Variants in INSIG2 observed in about 807,000 individuals in gnomAD.
INSIG2 encodes insulin induced gene 2.
In INSIG2, 10 loss-of-function variants were observed where a neutral mutation model predicts 27.2. The observed-to-expected ratio is 0.37, with a 90% confidence interval of 0.23 to 0.62. The LOEUF (loss-of-function observed/expected upper bound fraction) is 0.62, where lower values mean the gene tolerates loss of function less well. INSIG2 is among the 20% of genes least tolerant of loss of function. The pLI is 0.65. For missense variants in INSIG2, 178 were observed against 270.2 expected (o/e 0.66, Z 2.39); for synonymous variants, 97 against 95.8 (o/e 1.01, Z -0.07).
chr2:118,100,488 C>A (rs562934489), intron 2 of INSIG2, among the ~76,000 whole-genome samples: 232 of 146,312 alleles, frequency 1.6e-3, no homozygotes, highest in African/African-American at 5.5e-3. Context: ...AAGCGATTCT[C>A]CTGCCTCAGC....
Position 118,108,138 on chromosome 2 carries a change from A to G in INSIG2, c.637-143A>G, listed in dbSNP as rs1176947821. Reference sequence around the variant, plus strand: ...TCACATTTGTCATTTAATCATAGTAATTATGTAACTCTTGGATTATTTGAG... The same window carrying G: ...TCACATTTGTCATTTAATCATAGTAGTTATGTAACTCTTGGATTATTTGAG... On this transcript the variant is annotated intron_variant, in intron 5 of 5. Coordinates refer to ENST00000245787, the MANE Select transcript of INSIG2 (RefSeq NM_016133.4). 5 of 558,988 alleles carry G rather than the reference A, an allele frequency of 8.9e-6. No individual in the cohort carries two copies. The African/African-American group carries it at 1.0e-4, about 11-fold the overall frequency. 34.6% of individuals were successfully genotyped at this position (558,988 alleles called of 1,614,324 possible). A position where few individuals can be genotyped will look rare whatever the true frequency, so the allele number is the denominator to read the frequency against.
chr2:118,105,293 G>A lies in INSIG2; in HGVS notation c.370-1444G>A, dbSNP rs183868470. On this transcript the variant is annotated intron_variant, in intron 3 of 5. Transcript: ENST00000245787. ...CCTGACCTTGTGATTCGCCCACCTCGGTCTCTCAAAGTGCTGGGATTACAG... is the reference window on the plus strand; with the variant it reads ...CCTGACCTTGTGATTCGCCCACCTCAGTCTCTCAAAGTGCTGGGATTACAG... 2.7e-4 allele frequency among the ~76,000 whole-genome samples: 41 copies of A among 152,156 alleles called. 2 individuals are homozygous for A. Among genetic ancestry groups the A allele is most frequent in the African/African-American group, 7.7e-4 (32 of 41,510 alleles).
intron 2 of INSIG2, 59 bp downstream of exon 2, chr2:118,096,859 G>A (rs905036920): frequency 1.2e-5 from 18 of 1,540,056 alleles, no homozygotes; most frequent in East Asian, 4.5e-5. Flanking sequence ...GAGTATGGAC[G>A]TTGTCTGAGC....
In INSIG2 at chr2:118,103,200, T is replaced by C; in HGVS notation, c.248T>C (p.Val83Ala). Residue 83 changes from valine (V) to alanine (A), a missense_variant, in exon 3 of 6, where the codon GTG (valine) becomes GCG (alanine). Val to Ala is a moderately conservative substitution (Grantham distance 64, BLOSUM62 0). Transcript: ENST00000245787. ...TTTTTTTCTTTTTTCCCTACAGCTG[T>C]GATTGGGTTATTATACCCCTGCATT... ...VPPCCGTASAVIGLLYPCIDR... is the reference protein window; with the variant it reads ...VPPCCGTASAAIGLLYPCIDR... 6.2e-7 allele frequency: 1 copy of C among 1,613,362 alleles called. No homozygotes were observed.
chr2:118,101,576 G>C (rs1678545654), intron 2 of INSIG2, among the ~76,000 whole-genome samples: 1 of 150,750 alleles, frequency 6.6e-6, no homozygotes, highest in Non-Finnish European at 1.5e-5. Context: ...TATATATGGT[G>C]GGGGGATGGG....
In INSIG2 at chr2:118,103,049, C is replaced by T. The variant is rs571895173; in HGVS notation, c.245-148C>T. 33 of 660,456 alleles carry T rather than the reference C, an allele frequency of 5.0e-5. 1 individual carries two copies. Among genetic ancestry groups the T allele is most frequent in the Admixed American group, 7.8e-5 (3 of 38,260 alleles). 40.9% of individuals were successfully genotyped at this position (660,456 alleles called of 1,614,324 possible). A position where few individuals can be genotyped will look rare whatever the true frequency, so the allele number is the denominator to read the frequency against. On this transcript the variant is annotated intron_variant, in intron 2 of 5. Transcript: ENST00000245787. ...CTTTGGAAGGTAAGTTAAAAAATAT[C>T]GGTGATTGATGTGAAATAACTTTTT... is the stretch of plus-strand genomic sequence containing the variant.
At chr2:118,098,948 A>G (rs1678477295) in intron 2 of INSIG2, among the ~76,000 whole-genome samples, 1 of 152,202 alleles carries the variant, frequency 6.6e-6, no homozygotes, top group Admixed American at 6.5e-5. Flanking sequence ...ATTCCAGCCA[A>G]TTCTGCTACC....
At chr2:118,099,614 G>C (rs984802507) in intron 2 of INSIG2, among the ~76,000 whole-genome samples, 3 of 152,194 alleles carry the variant, frequency 2.0e-5, no homozygotes, top group Non-Finnish European at 2.9e-5. Flanking sequence ...CAACTCGTGT[G>C]GATAAAATAA....
At chr2:118,105,067 G>A (rs1558836976) in intron 3 of INSIG2, among the ~76,000 whole-genome samples, 1 of 152,060 alleles carries the variant, frequency 6.6e-6, no homozygotes, top group Non-Finnish European at 1.5e-5. Context: ...TTGAGACGGA[G>A]TCTTGCTCTG....
chr2:118,105,744 C>A, intron 3 of INSIG2, among the ~76,000 whole-genome samples: 1 of 152,040 alleles, frequency 6.6e-6, no homozygotes, highest in East Asian at 1.9e-4. Context: ...GAAATGGCTT[C>A]GTTGCAATTT....
intron 3 of INSIG2, among the ~76,000 whole-genome samples, chr2:118,105,133 C>T (rs1368997817): frequency 2.0e-5 from 3 of 152,144 alleles, no homozygotes; most frequent in Non-Finnish European, 2.9e-5. Flanking sequence ...CTTCGCCTCC[C>T]GGGTTCACGC....
At position 118,106,784 on chromosome 2, in the gene INSIG2, A is replaced by G. The variant is rs755166745; in HGVS notation, c.417A>G (p.Ala139=). Residue 139 remains alanine, a synonymous_variant, in exon 4 of 6, where the codon GCA becomes GCG. Transcript: ENST00000245787. ...NNIQLSLTLA[A]LSIGLWWTFD... ...TACAGTTGTCTCTCACACTGGCTGC[A>G]CTATCCATTGGACTGTGGTGGACTT... The G allele has an allele frequency of 1.2e-6, 2 of 1,614,116 alleles. No individual in the cohort carries two copies. Among genetic ancestry groups the G allele is most frequent in the Admixed American group, 3.3e-5 (2 of 60,032 alleles).
chr2:118,100,203 G>T (rs1308826877), intron 2 of INSIG2, among the ~76,000 whole-genome samples: 1 of 151,750 alleles, frequency 6.6e-6, no homozygotes, highest in Non-Finnish European at 1.5e-5. Flanking sequence ...CTGCCTCAAG[G>T]GTCACCTCTT....
rs187417429 is a variant in INSIG2, at chr2:118,094,721, A to G, written c.-138-1698A>G. On this transcript the variant is annotated intron_variant, in intron 1 of 5. Coordinates refer to ENST00000245787, the MANE Select transcript of INSIG2 (RefSeq NM_016133.4). ...AAAAAGGCCCGTTGTCTAAGTGTTT[A>G]TCACATGGAACTGACAGGTTGTGGA... Among the ~76,000 whole-genome samples the G allele has an allele frequency of 8.5e-5, 13 of 152,296 alleles. No homozygotes were observed. In the East Asian group the frequency reaches 2.5e-3, roughly 29 times the overall value.
Position 118,105,822 on chromosome 2 carries a change from C to T in INSIG2, c.370-915C>T, listed in dbSNP as rs539251587. On this transcript the variant is annotated intron_variant, in intron 3 of 5. Transcript: ENST00000245787. ...GATACGTGTTCTCCCAAACCTCCCCCGCCTTCCCCAGTAGCTGGTTATAGA... is the reference window on the plus strand; with the variant it reads ...GATACGTGTTCTCCCAAACCTCCCCTGCCTTCCCCAGTAGCTGGTTATAGA... Among the ~76,000 whole-genome samples, 12 of 152,262 alleles carry T rather than the reference C, an allele frequency of 7.9e-5. No homozygotes were observed. In the East Asian group the frequency reaches 1.2e-3, roughly 15 times the overall value.
intron 1 of INSIG2, among the ~76,000 whole-genome samples, chr2:118,095,487 A>C (rs1678385167): frequency 6.6e-6 from 1 of 152,150 alleles, no homozygotes; most frequent in South Asian, 2.1e-4. Context: ...CTTACCTCTG[A>C]AGGTTATTGT....
chr2:118,094,456 A>C (rs1678361453), intron 1 of INSIG2, among the ~76,000 whole-genome samples: 1 of 152,202 alleles, frequency 6.6e-6, no homozygotes, highest in East Asian at 1.9e-4. Context: ...ATATGCCTGG[A>C]TTCCACAGCA....
intron 2 of INSIG2, among the ~76,000 whole-genome samples, chr2:118,100,340 C>T (rs1163012527): frequency 1.4e-5 from 2 of 141,690 alleles, no homozygotes; most frequent in Non-Finnish European, 1.5e-5. Flanking sequence ...TCTGTGGTCA[C>T]TTTGCAATTG....
chr2:118,107,956 C>G (rs1389515391), intron 5 of INSIG2, among the ~76,000 whole-genome samples: 2 of 152,110 alleles, frequency 1.3e-5, no homozygotes, highest in Non-Finnish European at 2.9e-5. Context: ...ATTGAATACT[C>G]AAAGAAACCT....
Sources: allele counts gnomAD v4.1 joint callset (sites outside exome capture counted in the v4.1 genomes callset), GRCh38; gene constraint gnomAD v4.1.1; transcripts MANE v1.5; gene names NCBI Gene and HGNC (gene_info 2026-07-23, HGNC 2026-07-21).